The following CCDC3 variants were observed in gnomAD, a reference collection of about 807,000 sequenced individuals.
The protein encoded by CCDC3 is coiled-coil domain-containing protein 3.
In CCDC3, 24 loss-of-function variants were observed where a neutral mutation model predicts 21.4. The ratio of observed to expected loss-of-function variants is 1.12; its 90% confidence interval spans 0.81 to 1.58. The LOEUF (loss-of-function observed/expected upper bound fraction) is 1.58, where lower values mean the gene tolerates loss of function less well. Ranked by LOEUF, CCDC3 falls within the 40% of genes most tolerant of loss-of-function variation. The pLI is 0.00. For synonymous variants in CCDC3, 186 were observed against 166.0 expected, an observed-to-expected ratio of 1.12 and a Z score of -0.93; for missense variants, 425 against 360.9, an observed-to-expected ratio of 1.18 and a Z score of -1.44.
intron 5 of CCDC3, among the ~76,000 whole-genome samples, chr10:13,009,242 T>C (rs1350438399): frequency 6.6e-6 from 1 of 152,192 alleles, no homozygotes; most frequent in Non-Finnish European, 1.5e-5. Context: ...CATTGAGAAC[T>C]ACAAAACATT....
At chr10:13,087,705 A>T (rs759947088) in intron 3 of CCDC3, among the ~76,000 whole-genome samples, 2 of 149,218 alleles carry the variant, frequency 1.3e-5, no homozygotes, top group Admixed American at 6.6e-5. Flanking sequence ...TTAGAAGATG[A>T]TACTTAGAAG....
intron 2 of CCDC3, among the ~76,000 whole-genome samples, chr10:12,932,986 C>G (rs1219645858): frequency 6.6e-6 from 1 of 152,210 alleles, no homozygotes; most frequent in Non-Finnish European, 1.5e-5. Context: ...GTTGAACCAG[C>G]TTTGCATACC....
At chr10:12,963,607 G>T (rs1174715820) in intron 2 of CCDC3, among the ~76,000 whole-genome samples, 1 of 118,424 alleles carries the variant, frequency 8.4e-6, no homozygotes, top group Non-Finnish European at 1.6e-5. Flanking sequence ...TTTTCAGACA[G>T]GATCTCACTC....
At chr10:13,051,495 C>T (rs1181464817) in intron 4 of CCDC3, among the ~76,000 whole-genome samples, 2 of 152,208 alleles carry the variant, frequency 1.3e-5, no homozygotes, top group African/African-American at 2.4e-5. Context: ...AAGATTATCA[C>T]GTCAAGTGCA....
intron 2 of CCDC3, among the ~76,000 whole-genome samples, chr10:12,939,578 G>A (rs1178876827): frequency 6.6e-6 from 1 of 152,190 alleles, no homozygotes; most frequent in Non-Finnish European, 1.5e-5. Flanking sequence ...GCCAGATGCT[G>A]TCTCAAGAAA....
At chr10:13,015,217 C>T (rs374616682) in intron 5 of CCDC3, among the ~76,000 whole-genome samples, 2 of 152,018 alleles carry the variant, frequency 1.3e-5, no homozygotes, top group East Asian at 3.8e-4. Context: ...GATGTAGTTA[C>T]AGTAAAAGAT....
At chr10:12,941,777 G>C (rs1432277216) in intron 2 of CCDC3, among the ~76,000 whole-genome samples, 1 of 152,112 alleles carries the variant, frequency 6.6e-6, no homozygotes, top group East Asian at 1.9e-4. Flanking sequence ...ATGCCGCTTT[G>C]GCATAAGGAT....
At chr10:12,989,847 T>C (rs1307334255) in intron 2 of CCDC3, among the ~76,000 whole-genome samples, 1 of 152,148 alleles carries the variant, frequency 6.6e-6, no homozygotes, top group African/African-American at 2.4e-5. Context: ...CAAGTTAAAC[T>C]GCCAGCCTCA....
At chr10:13,094,448 G>A (rs892663020) in intron 3 of CCDC3, among the ~76,000 whole-genome samples, 7 of 151,930 alleles carry the variant, frequency 4.6e-5, no homozygotes, top group African/African-American at 1.5e-4. Context: ...GTAGAGATGG[G>A]GTTTCACCAT....
chr10:13,023,452 T>G (rs1365106295), intron 5 of CCDC3, among the ~76,000 whole-genome samples: 3 of 152,118 alleles, frequency 2.0e-5, no homozygotes, highest in African/African-American at 7.2e-5. Flanking sequence ...CCAAAGTTGC[T>G]CAGGGTTCCT....
chr10:13,004,134 CG>C (rs1835898114), upstream of CCDC3, among the ~76,000 whole-genome samples: 1 of 152,122 alleles, frequency 6.6e-6, no homozygotes, highest in African/African-American at 2.4e-5. Context: ...CTCTTGATTC[CG>C]AGACCTATAT....
At chr10:13,042,196 T>C (rs1055510340) in intron 5 of CCDC3, among the ~76,000 whole-genome samples, 1 of 152,254 alleles carries the variant, frequency 6.6e-6, no homozygotes, top group African/African-American at 2.4e-5. Flanking sequence ...TCCAATTTCT[T>C]CACCTATCAC....
intron 2 of CCDC3, among the ~76,000 whole-genome samples, chr10:12,901,571 C>T (rs1047841722): frequency 7.2e-5 from 11 of 152,184 alleles, no homozygotes; most frequent in Non-Finnish European, 1.5e-4. Context: ...CTGCACCTGG[C>T]CCACCTGCAC....
chr10:13,061,683 G>A (rs1836759609), intron 4 of CCDC3, among the ~76,000 whole-genome samples: 1 of 152,180 alleles, frequency 6.6e-6, no homozygotes, highest in South Asian at 2.1e-4. Context: ...GGGGCTTTCA[G>A]GCTACAGATA....
chr10:12,970,711 C>A (rs1235010203), intron 2 of CCDC3, among the ~76,000 whole-genome samples: 1 of 152,090 alleles, frequency 6.6e-6, no homozygotes, highest in Non-Finnish European at 1.5e-5. Context: ...CATGGTGAAA[C>A]CCTGTCTTTA....
At chr10:12,945,788 A>G (rs1355053433) in intron 2 of CCDC3, among the ~76,000 whole-genome samples, 1 of 152,220 alleles carries the variant, frequency 6.6e-6, no homozygotes, top group Non-Finnish European at 1.5e-5. Flanking sequence ...TAGTAAAAAG[A>G]ACTAAGGTTT....
chr10:12,985,849 G>A (rs1835581146), intron 2 of CCDC3, among the ~76,000 whole-genome samples: 1 of 152,170 alleles, frequency 6.6e-6, no homozygotes, highest in Non-Finnish European at 1.5e-5. Flanking sequence ...GTTACCAAAA[G>A]ACACACGTGA....
intron 4 of CCDC3, among the ~76,000 whole-genome samples, chr10:13,060,284 T>C (rs1256374639): frequency 1.3e-5 from 2 of 152,094 alleles, no homozygotes; most frequent in African/African-American, 2.4e-5. Context: ...GCTTTCAAGA[T>C]GGCGTCTGAA....
At chr10:13,029,454 C>T (rs182543990) in intron 5 of CCDC3, among the ~76,000 whole-genome samples, 15 of 152,156 alleles carry the variant, frequency 9.9e-5, no homozygotes, top group Non-Finnish European at 2.1e-4. Flanking sequence ...TGCAGCTCAT[C>T]GCCAACAATG....
Sources: gnomAD v4.1 joint callset for allele counts (sites outside exome capture counted in the v4.1 genomes callset) on GRCh38, gnomAD v4.1.1 for gene constraint, MANE v1.5 for transcripts, NCBI Gene and HGNC (gene_info 2026-07-23, HGNC 2026-07-21) for gene names.